The following PTPRD variants were observed in gnomAD, a reference collection of about 807,000 sequenced individuals.
The protein encoded by PTPRD is protein tyrosine phosphatase receptor type D.
A neutral mutation model predicts 214.5 loss-of-function variants in PTPRD; 34 were observed. The ratio of observed to expected loss-of-function variants is 0.16; its 90% CI spans 0.12 to 0.21. The LOEUF is 0.21. PTPRD is among the 10% of genes least tolerant of loss of function. The probability of loss-of-function intolerance (pLI) is 1.00; values close to 1 mark genes in which losing one functional copy is unlikely to be tolerated. For missense variants in PTPRD, 2,545 were observed against 2,398.7 expected (o/e 1.06, Z -1.27); for synonymous variants, 1,128 against 845.7 (o/e 1.33, Z -5.79).
intron 5 of PTPRD, among the ~76,000 whole-genome samples, chr9:9,783,920 T>C (rs2098891251): frequency 6.6e-6 from 1 of 150,900 alleles, no homozygotes. Flanking sequence ...TGAAGGCAAC[T>C]GCCAGAGACT....
intron 2 of PTPRD, among the ~76,000 whole-genome samples, chr9:10,408,091 G>A (rs1039945038): frequency 2.6e-5 from 4 of 151,432 alleles, no homozygotes; most frequent in African/African-American, 9.7e-5. Flanking sequence ...TGAACCCCAT[G>A]GCATTTCCCT....
At chr9:9,811,680 C>G (rs1483762177) in intron 5 of PTPRD, among the ~76,000 whole-genome samples, 1 of 152,076 alleles carries the variant, frequency 6.6e-6, no homozygotes, top group Non-Finnish European at 1.5e-5. Context: ...GCACTCCAGC[C>G]TGGGTGACAG....
chr9:9,484,491 T>C (rs924030839), intron 8 of PTPRD, among the ~76,000 whole-genome samples: 5 of 152,158 alleles, frequency 3.3e-5, no homozygotes, highest in African/African-American at 1.2e-4. Context: ...GATGTCTACG[T>C]ATGCAAACAG....
At chr9:10,269,368 A>C (rs1389632033) in intron 3 of PTPRD, among the ~76,000 whole-genome samples, 1 of 152,202 alleles carries the variant, frequency 6.6e-6, no homozygotes, top group Non-Finnish European at 1.5e-5. Context: ...CCTATTGAGT[A>C]ATATTTTTGT....
At chr9:9,676,487 T>C (rs2096932837) in intron 7 of PTPRD, among the ~76,000 whole-genome samples, 1 of 152,102 alleles carries the variant, frequency 6.6e-6, no homozygotes, top group African/African-American at 2.4e-5. Flanking sequence ...TAGTATTCCA[T>C]GGTGTATATG....
intron 11 of PTPRD, among the ~76,000 whole-genome samples, chr9:8,936,427 C>CAAAAAAAAAAAAAAA (rs1181403459): frequency 0.014 from 430 of 31,572 alleles, 38 homozygotes; most frequent in Non-Finnish European, 0.019. Context: ...ACCCTGCCTC[C>CAAAAAAAAAAAAAAA]AAAAAAAAAA....
At chr9:9,209,122 TGAAAGAATATACTCCCACCAATGATGTA>T (rs1174374087) in intron 9 of PTPRD, among the ~76,000 whole-genome samples, 1 of 152,104 alleles carries the variant, frequency 6.6e-6, no homozygotes. Context: ...ATATAACTCC[TGAAAGAATATACTCCCACCAATGATGTA>T]GTTTCAAGGG....
intron 9 of PTPRD, among the ~76,000 whole-genome samples, chr9:9,365,768 A>G (rs1005014295): frequency 5.3e-5 from 8 of 151,468 alleles, no homozygotes; most frequent in African/African-American, 1.7e-4. Flanking sequence ...CAGTCTCTCT[A>G]TGGGTCTCTC....
chr9:9,270,449 G>C (rs1016527302), intron 9 of PTPRD, among the ~76,000 whole-genome samples: 1 of 151,244 alleles, frequency 6.6e-6, no homozygotes, highest in African/African-American at 2.4e-5. Context: ...GAGCGTTCCA[G>C]GCAGCAAGAA....
rs949958196 is a variant in PTPRD at position 8,908,126 on chromosome 9, G to T, written c.-104+110571C>A. 4.3e-4 allele frequency among the ~76,000 whole-genome samples: 65 copies of T among 152,034 alleles called. 1 individual carries two copies. The highest frequency in any genetic ancestry group is 1.8e-4 in the Non-Finnish European group (12 of 68,020). ...CTGACTTTTTATTACAAACAATGGGGGCCAGAAGACAGCAGAATGTTGTAA... is the reference window on the plus strand; with the variant it reads ...CTGACTTTTTATTACAAACAATGGGTGCCAGAAGACAGCAGAATGTTGTAA... On this transcript the variant is annotated intron_variant, in intron 11 of 45. Coordinates refer to ENST00000381196, the MANE Select transcript of PTPRD (RefSeq NM_002839.4).
chr9:8,323,863 C>A (rs1481490891), intron 44 of PTPRD, among the ~76,000 whole-genome samples: 2 of 152,178 alleles, frequency 1.3e-5, no homozygotes, highest in African/African-American at 4.8e-5. Flanking sequence ...GAAAGAAGTT[C>A]TACTGTGAGT....
intron 12 of PTPRD, among the ~76,000 whole-genome samples, chr9:8,732,706 C>T (rs562622082): frequency 2.6e-5 from 4 of 152,244 alleles, no homozygotes; most frequent in African/African-American, 9.6e-5. Context: ...TTATTCCTTT[C>T]ACTTCTCAAA....
chr9:10,013,742 G>A (rs117271027), intron 4 of PTPRD, among the ~76,000 whole-genome samples: 5,150 of 151,928 alleles, frequency 0.034, 125 homozygotes, highest in Non-Finnish European at 0.049. Flanking sequence ...GTTTTTCAAG[G>A]TGCTGTTTCA....
chr9:9,884,228 T>C (rs1369975876), intron 5 of PTPRD, among the ~76,000 whole-genome samples: 2 of 152,134 alleles, frequency 1.3e-5, no homozygotes, highest in South Asian at 2.1e-4. Flanking sequence ...ACATTTGACA[T>C]TGTGAAGAAT....
At chr9:9,483,744 G>C (rs1273342119) in intron 8 of PTPRD, among the ~76,000 whole-genome samples, 2 of 151,392 alleles carry the variant, frequency 1.3e-5, no homozygotes, top group Non-Finnish European at 2.9e-5. Context: ...CTGGGCTCAT[G>C]GTGTTACAGA....
intron 11 of PTPRD, among the ~76,000 whole-genome samples, chr9:8,767,271 C>T (rs980064195): frequency 1.3e-5 from 2 of 152,038 alleles, no homozygotes; most frequent in East Asian, 1.9e-4. Flanking sequence ...GTGTGCACCA[C>T]CACAACCAGC....
chr9:10,595,522 G>A (rs1013475156), intron 2 of PTPRD, among the ~76,000 whole-genome samples: 2 of 151,700 alleles, frequency 1.3e-5, no homozygotes, highest in South Asian at 2.1e-4. Context: ...ATCTTCCATA[G>A]ACAAGTGGGT....
intron 3 of PTPRD, among the ~76,000 whole-genome samples, chr9:10,085,942 G>C (rs570282036): frequency 6.6e-6 from 1 of 151,698 alleles, no homozygotes; most frequent in African/African-American, 2.4e-5. Flanking sequence ...TATGATATGA[G>C]GCTAAATAGA....
chr9:10,145,959 T>C (rs1418851666), intron 3 of PTPRD, among the ~76,000 whole-genome samples: 1 of 151,848 alleles, frequency 6.6e-6, no homozygotes, highest in Non-Finnish European at 1.5e-5. Flanking sequence ...AAACAGTTAA[T>C]TAAGATAAAT....
Sources: allele counts gnomAD v4.1 joint callset (sites outside exome capture counted in the v4.1 genomes callset), GRCh38; gene constraint gnomAD v4.1.1; transcripts MANE v1.5; gene names NCBI Gene and HGNC (gene_info 2026-07-23, HGNC 2026-07-21).